FANCA: variants seen among roughly 807,000 people sequenced by gnomAD.
FANCA encodes Fanconi anemia group A protein.
In FANCA, 236 loss-of-function variants were observed where a neutral mutation model predicts 194.3. That is an observed-to-expected ratio of 1.21 (90% CI 1.09 to 1.35). The LOEUF is 1.35. FANCA is among the 40% of genes most tolerant of loss of function. The pLI, the probability that FANCA is intolerant of heterozygous loss-of-function variation, is 0.00. For synonymous variants in FANCA, 1,014 were observed against 715.8 expected, an observed-to-expected ratio of 1.42 and a Z score of -6.65; for missense variants, 2,628 against 1,813.9, an observed-to-expected ratio of 1.45 and a Z score of -8.15.
At chr16:89,815,106 C>T (rs1444381376) in intron 2 of FANCA, among the ~76,000 whole-genome samples, 1 of 151,842 alleles carries the variant, frequency 6.6e-6, no homozygotes, top group East Asian at 1.9e-4. Flanking sequence ...GGCGGGATCT[C>T]ACTCACGGCG....
intron 31 of FANCA, among the ~76,000 whole-genome samples, chr16:89,751,595 G>C (rs2038593264): frequency 1.3e-5 from 2 of 152,116 alleles, no homozygotes; most frequent in African/African-American, 4.8e-5. Flanking sequence ...GCTGGCGGAG[G>C]GAGAGACAGG....
At chr16:89,764,838 A>C (rs1256371123) in intron 28 of FANCA, 52 bp downstream of exon 28, 1 of 1,601,000 alleles carries the variant, frequency 6.2e-7, no homozygotes, top group African/African-American at 1.3e-5. Flanking sequence ...GAGCACACAC[A>C]AACCCTAGAC....
At chr16:89,771,859 G>A in intron 22 of FANCA, 45 bp from the exon 23 acceptor site, 1 of 1,611,456 alleles carries the variant, frequency 6.2e-7, no homozygotes, top group African/African-American at 1.3e-5. Context: ...ACCCCGAAAG[G>A]AGGGATACAG....
At position 89,770,459 on chromosome 16, in the gene FANCA, G is replaced by A. The variant is rs941870041; in HGVS notation, c.2222+105C>T. ...TTGATGAAACTCAGCATCGCCGCAT[G>A]CTCCTGCGGAGACGAGCTCATGAGT... On this transcript the variant is annotated intron_variant, in intron 24 of 42. Coordinates refer to ENST00000389301, the MANE Select transcript of FANCA (RefSeq NM_000135.4). 10 of 1,161,948 alleles carry A rather than the reference G, an allele frequency of 8.6e-6. No individual in the cohort carries two copies. The East Asian group carries it at 2.3e-4, about 27-fold the overall frequency. 72.0% of individuals were successfully genotyped at this position (1,161,948 alleles called of 1,614,324 possible).
chr16:89,776,138 A>T (rs1036507941), intron 20 of FANCA, among the ~76,000 whole-genome samples: 1 of 150,362 alleles, frequency 6.7e-6, no homozygotes, highest in Non-Finnish European at 1.5e-5. Flanking sequence ...TTCCAAATTC[A>T]AAACACGAAT....
chr16:89,793,048 G>A (rs2040130487), intron 11 of FANCA, among the ~76,000 whole-genome samples: 1 of 152,210 alleles, frequency 6.6e-6, no homozygotes, highest in African/African-American at 2.4e-5. Flanking sequence ...CGTGACCACT[G>A]AAGCACAGCA....
chr16:89,764,323 G>A (rs559919797), intron 28 of FANCA, among the ~76,000 whole-genome samples: 3 of 152,108 alleles, frequency 2.0e-5, no homozygotes, highest in Non-Finnish European at 2.9e-5. Context: ...ATATTTTTTT[G>A]AGACAGGGTC....
intron 10 of FANCA, 104 bp downstream of exon 10, chr16:89,799,062 G>A (rs1393748193): frequency 6.2e-7 from 1 of 1,614,104 alleles, no homozygotes; most frequent in African/African-American, 1.3e-5. Flanking sequence ...GTGTGCTCAG[G>A]AGCGGGCTGC....
chr16:89,791,710 G>T (rs950008896), intron 13 of FANCA, 174 bp from the exon 14 acceptor site: 4 of 1,021,554 alleles, frequency 3.9e-6, no homozygotes, highest in African/African-American at 3.2e-5. Flanking sequence ...CTAGAGACCT[G>T]AATGAAGCAG....
At chr16:89,796,736 G>T (rs2040260524) in intron 10 of FANCA, among the ~76,000 whole-genome samples, 1 of 152,162 alleles carries the variant, frequency 6.6e-6, no homozygotes, top group African/African-American at 2.4e-5. Context: ...GAAAATCAAG[G>T]GTCCAGCCGG....
chr16:89,763,919 A>G (rs2039037571), intron 28 of FANCA, among the ~76,000 whole-genome samples: 1 of 101,126 alleles, frequency 9.9e-6, no homozygotes, highest in South Asian at 3.9e-4. Context: ...AGACTCCACC[A>G]GAAAAAAAAA....
intron 37 of FANCA, among the ~76,000 whole-genome samples, 189 bp downstream of exon 37, chr16:89,742,611 C>A (rs2062161221): frequency 7.1e-6 from 1 of 140,070 alleles, no homozygotes; most frequent in Admixed American, 7.5e-5. Context: ...AGATCGAGAC[C>A]ATCCTGGCTA....
At chr16:89,814,702 G>C in intron 2 of FANCA, 89 bp from the exon 3 acceptor site, 1 of 935,328 alleles carries the variant, frequency 1.1e-6, no homozygotes, top group South Asian at 1.3e-5. Context: ...CAGTACTTTG[G>C]GAGGCCGAGA....
At chr16:89,802,620 G>A (rs2040495454) in intron 8 of FANCA, among the ~76,000 whole-genome samples, 1 of 151,428 alleles carries the variant, frequency 6.6e-6, no homozygotes, top group Admixed American at 6.6e-5. Context: ...AGCCAGGATG[G>A]TCTCGATCTC....
intron 30 of FANCA, among the ~76,000 whole-genome samples, chr16:89,757,712 C>T (rs911918648): frequency 6.6e-6 from 1 of 152,168 alleles, no homozygotes; most frequent in African/African-American, 2.4e-5. Flanking sequence ...ACACTCCGTC[C>T]ATCCTTCTGG....
At chr16:89,751,083 G>C (rs887272414) in intron 31 of FANCA, among the ~76,000 whole-genome samples, 1 of 152,084 alleles carries the variant, frequency 6.6e-6, no homozygotes, top group Non-Finnish European at 1.5e-5. Context: ...AGTAGAGATG[G>C]GGTTTCACCA....
At chr16:89,780,001 TAAAGA>T in intron 17 of FANCA, 44 bp from the exon 18 acceptor site, 1 of 1,563,762 alleles carries the variant, frequency 6.4e-7, no homozygotes, top group Non-Finnish European at 8.8e-7. Context: ...CAGAGGACTT[TAAAGA>T]AAAGACTGAG....
At position 89,769,871 on chromosome 16, in the gene FANCA, A is replaced by C. The variant is rs1567618062; in HGVS notation, c.2470T>G (p.Cys824Gly). 2 of 1,614,168 alleles carry C rather than the reference A, an allele frequency of 1.2e-6. No individual in the cohort carries two copies. Among genetic ancestry groups the C allele is most frequent in the African/African-American group, 2.7e-5 (2 of 75,050 alleles). The change falls in exon 26 of 43, where the codon TGT becomes GGT. Residue 824 changes from cysteine (C) to glycine (G), a missense_variant. By Grantham distance (159) the Cys-to-Gly change is radical. Transcript: ENST00000389301. ...VPALFDSLLT[C>G]RTRDSLFFCL... ...AAGAACAAGGAATCCCTCGTCCTAC[A>C]GGTCAGGAGGCTGTCAAAGAGCGCA... is the stretch of plus-strand genomic sequence containing the variant.
At chr16:89,744,245 C>T (rs17233657) in intron 36 of FANCA, among the ~76,000 whole-genome samples, 10,294 of 152,218 alleles carry the variant, frequency 0.068, 873 homozygotes, top group African/African-American at 0.2. Context: ...TGAGGGGACC[C>T]GGTGTGGCAT....
Sources: allele counts gnomAD v4.1 joint callset (sites outside exome capture counted in the v4.1 genomes callset), GRCh38; gene constraint gnomAD v4.1.1; transcripts MANE v1.5; gene names NCBI Gene and HGNC (gene_info 2026-07-23, HGNC 2026-07-21).